Variants in LHX6 observed in about 807,000 individuals in gnomAD.
LHX6 encodes LIM/homeobox protein Lhx6.
In LHX6, 15 loss-of-function variants were observed where a neutral mutation model predicts 47.1. That is an observed-to-expected ratio of 0.32 (90% CI 0.21 to 0.49). The LOEUF is 0.49. LHX6 is among the 20% of genes least tolerant of loss of function. The pLI is 0.99. For missense variants in LHX6, 404 were observed against 539.6 expected (o/e 0.75, Z 2.49); for synonymous variants, 242 against 233.5 (o/e 1.04, Z -0.33).
In LHX6 at chr9:122,217,095, C is replaced by T; in HGVS notation, c.655G>A (p.Glu219Lys). Residue 219 changes from glutamate (E) to lysine (K), a missense_variant, in exon 5 of 10, where the codon GAG becomes AAG. Coordinates refer to ENST00000394319, the MANE Select transcript of LHX6 (RefSeq NM_014368.5). The surrounding 1 kb of genome is among the most constrained non-coding windows in gnomAD (Gnocchi z 4.9). ...LCRIHYDTMI[E>K]NLKRAAENGN... ...TTCTCGGCGGCCCTCTTGAGGTTCTCAATCATGGTGTCGTAGTGGATGCGG... is the reference window on the plus strand; with the variant it reads ...TTCTCGGCGGCCCTCTTGAGGTTCTTAATCATGGTGTCGTAGTGGATGCGG... 1 of 1,614,138 alleles carries T rather than the reference C, an allele frequency of 6.2e-7. No homozygotes were observed. Among genetic ancestry groups the T allele is most frequent in the Non-Finnish European group, 8.5e-7 (1 of 1,180,018 alleles).
rs1322874300 is a variant in LHX6 at position 122,202,879 on chromosome 9, G to C, written c.*1881C>G. 1 of 152,578 alleles carries C rather than the reference G, an allele frequency of 6.6e-6. No individual in the cohort carries two copies. The highest frequency in any genetic ancestry group is 1.5e-5 in the Non-Finnish European group (1 of 68,052). The allele number at this position is 152,578 out of a possible 1,614,324, so 9.5% of individuals were successfully genotyped here. A position where few individuals can be genotyped will look rare whatever the true frequency, so the allele number is the denominator to read the frequency against. On this transcript the variant is annotated 3_prime_UTR_variant, in exon 10 of 10. Transcript: ENST00000394319. ...ACCCTGAGGAGAGGCTCAAGGCAGA[G>C]TGTGTTGGGTGACCCTGGGTAGGGC...
intron 4 of LHX6, among the ~76,000 whole-genome samples, chr9:122,225,932 G>T (rs1219247817): frequency 6.6e-6 from 1 of 152,222 alleles, no homozygotes; most frequent in Admixed American, 6.5e-5. Context: ...TCCAGCCCGC[G>T]AGAGACCCCA....
intron 5 of LHX6, among the ~76,000 whole-genome samples, chr9:122,215,424 A>G (rs1830559692): frequency 1.3e-5 from 2 of 152,210 alleles, no homozygotes; most frequent in African/African-American, 4.8e-5. Flanking sequence ...GCCAATACTG[A>G]GGGCTGATCA....
chr9:122,227,224 T>G, intron 2 of LHX6, 185 bp downstream of exon 2: 1 of 765,988 alleles, frequency 1.3e-6, no homozygotes, highest in Non-Finnish European at 2.0e-6. Flanking sequence ...AACACGCGCA[T>G]TCTGGGTGCT....
In LHX6 at chr9:122,226,838, C is replaced by A. The variant is rs767151131; in HGVS notation, c.339+10G>T. ...CGACAACACGCACGCAACACCTACC[C>A]CTGTCTCACCTTGAGCAGATATCGG... On this transcript the variant is annotated intron_variant, in intron 3 of 9. Transcript: ENST00000394319. The surrounding 1 kb of genome is among the most constrained non-coding windows in gnomAD (Gnocchi z 6.5). 1 of 1,559,786 alleles carries A rather than the reference C, an allele frequency of 6.4e-7. No individual in the cohort carries two copies. Among genetic ancestry groups the A allele is most frequent in the East Asian group, 2.4e-5 (1 of 42,340 alleles).
intron 9 of LHX6, among the ~76,000 whole-genome samples, chr9:122,208,834 TAAAAA>T (rs34355404): frequency 0.5 from 58,835 of 117,154 alleles, 14,279 homozygotes; most frequent in Middle Eastern, 0.58. Flanking sequence ...AAACTCTGTC[TAAAAA>T]AAAAAAAAAA....
At chr9:122,220,186 C>T (rs1424331415) in intron 4 of LHX6, among the ~76,000 whole-genome samples, 1 of 152,272 alleles carries the variant, frequency 6.6e-6, no homozygotes, top group Non-Finnish European at 1.5e-5. Context: ...ACAGTGTCCT[C>T]ATACCCTTGG....
intron 4 of LHX6, chr9:122,221,391 G>T: frequency 4.1e-6 from 4 of 985,656 alleles, no homozygotes; most frequent in Non-Finnish European, 4.8e-6. Flanking sequence ...GCCGCTTCCC[G>T]CTCTGCGCTT....
intron 1 of LHX6, chr9:122,228,297 C>T (rs1039015000): frequency 1.7e-5 from 26 of 1,534,950 alleles, no homozygotes; most frequent in Non-Finnish European, 2.3e-5. Flanking sequence ...CCCCTCGGCG[C>T]GCCGGGTACC....
intron 9 of LHX6, among the ~76,000 whole-genome samples, chr9:122,206,744 C>T (rs959454938): frequency 2.6e-5 from 4 of 152,174 alleles, no homozygotes; most frequent in African/African-American, 9.7e-5. Context: ...AGGGCCCATC[C>T]CTGCCCTCCA....
At chr9:122,220,463 A>G (rs1206645190) in intron 4 of LHX6, among the ~76,000 whole-genome samples, 1 of 152,228 alleles carries the variant, frequency 6.6e-6, no homozygotes, top group Non-Finnish European at 1.5e-5. Flanking sequence ...TTATCGATCC[A>G]GGCTCCGACA....
chr9:122,213,930 G>C lies in LHX6; in HGVS notation c.879+44C>G, dbSNP rs755402198. On this transcript the variant is annotated intron_variant, in intron 7 of 9. Transcript: ENST00000394319. The surrounding 1 kb of genome is among the most constrained non-coding windows in gnomAD (Gnocchi z 5.5). ...CGCGCCGAGCCCAGCTACGAGCTCC[G>C]GGGCGTGCCCGCGGTCCCCAGGCCC... The C allele has an allele frequency of 1.9e-6, 3 of 1,546,432 alleles. No individual in the cohort carries two copies. Among genetic ancestry groups the C allele is most frequent in the South Asian group, 2.3e-5 (2 of 88,870 alleles).
In LHX6 at chr9:122,204,700, C is replaced by T. The variant is rs1830104480; in HGVS notation, c.*60G>A. The T allele has an allele frequency of 1.3e-6, 2 of 1,590,202 alleles. No individual in the cohort carries two copies. Among genetic ancestry groups the T allele is most frequent in the East Asian group, 2.3e-5 (1 of 43,230 alleles). ...CCTGGCCGCAGCTTGGACACTGGAT[C>T]TCAGCGGCTGAGGGGCAGCTGTGGG... On this transcript the variant is annotated 3_prime_UTR_variant, in exon 10 of 10. Coordinates refer to ENST00000394319, the MANE Select transcript of LHX6 (RefSeq NM_014368.5).
chr9:122,228,178 G>C (rs1831189791), intron 1 of LHX6: 5 of 1,299,566 alleles, frequency 3.8e-6, no homozygotes, highest in Admixed American at 4.2e-5. Flanking sequence ...GGCGCCTTTC[G>C]AGGGCCAGTC....
At chr9:122,211,211 C>T (rs927038059) in intron 8 of LHX6, among the ~76,000 whole-genome samples, 8 of 152,190 alleles carry the variant, frequency 5.3e-5, no homozygotes, top group Non-Finnish European at 1.2e-4. Flanking sequence ...ATTGTAGAGA[C>T]ACTTACAACT....
rs973461054 is a variant in LHX6 at position 122,213,988 on chromosome 9, G to T, written c.865C>A (p.Arg289=). The change falls in exon 7 of 10, where the codon CGG becomes AGG. Residue 289 remains arginine, a synonymous_variant. Transcript: ENST00000394319. The surrounding 1 kb of genome is among the most constrained non-coding windows in gnomAD (Gnocchi z 5.5). ...CCCCGTCCCACCTGGATGACTCTCCGGCTGAGGCCCGTCATGTCCGCCAGC... is the reference window on the plus strand; with the variant it reads ...CCCCGTCCCACCTGGATGACTCTCCTGCTGAGGCCCGTCATGTCCGCCAGC... ...QKLADMTGLS[R]RVIQVWFQNC... The T allele has an allele frequency of 7.6e-6, 9 of 1,185,872 alleles. No homozygotes were observed. Among genetic ancestry groups the T allele is most frequent in the Non-Finnish European group, 1.1e-5 (9 of 849,364 alleles). The allele number at this position is 1,185,872 out of a possible 1,614,324, so 73.5% of individuals were successfully genotyped here.
chr9:122,228,124 G>C (rs1395683221), intron 1 of LHX6: 2 of 649,284 alleles, frequency 3.1e-6, no homozygotes, highest in South Asian at 1.8e-5. Flanking sequence ...CCGCCCGCCT[G>C]ACACGCGCGG....
At chr9:122,209,926 A>G (rs1412664105) in intron 8 of LHX6, among the ~76,000 whole-genome samples, 1 of 151,358 alleles carries the variant, frequency 6.6e-6, no homozygotes, top group Non-Finnish European at 1.5e-5. Flanking sequence ...CCCAGGCTGG[A>G]GTGCAGTGGC....
At chr9:122,205,126 A>G (rs1220790241) in intron 9 of LHX6, among the ~76,000 whole-genome samples, 1 of 152,172 alleles carries the variant, frequency 6.6e-6, no homozygotes, top group South Asian at 2.1e-4. Flanking sequence ...GGGAGTTCCA[A>G]CGTTCTGTTT....
Sources: gnomAD v4.1 joint callset for allele counts (sites outside exome capture counted in the v4.1 genomes callset) on GRCh38, gnomAD v4.1.1 for gene constraint, Gnocchi (gnomAD v3.1) non-coding constraint, MANE v1.5 for transcripts, NCBI Gene and HGNC (gene_info 2026-07-23, HGNC 2026-07-21) for gene names.